The following GRID1 variants were observed in gnomAD, a reference collection of about 807,000 sequenced individuals.
GRID1 encodes the protein glutamate receptor ionotropic, delta-1.
In GRID1, 28 loss-of-function variants were observed where a neutral mutation model predicts 98.0. The observed-to-expected ratio is 0.29, with a 90% CI of 0.21 to 0.39. The LOEUF is 0.39. Among genes scored for constraint, GRID1 ranks in the 10% least tolerant of loss-of-function variants. The pLI is 1.00. For synonymous variants in GRID1, 553 were observed against 538.5 expected (o/e 1.03, Z -0.37); for missense variants, 1,111 against 1,340.5 (o/e 0.83, Z 2.67).
At chr10:86,094,676 G>A (rs751706317) in intron 4 of GRID1, among the ~76,000 whole-genome samples, 15 of 151,832 alleles carry the variant, frequency 9.9e-5, no homozygotes, top group Middle Eastern at 3.2e-3. Flanking sequence ...AAACACTGCC[G>A]AAAGAAATCA....
chr10:85,618,871 C>T (rs571701843), intron 14 of GRID1, among the ~76,000 whole-genome samples: 3 of 152,326 alleles, frequency 2.0e-5, no homozygotes, highest in African/African-American at 7.2e-5. Flanking sequence ...CCTAGTTGCC[C>T]TCTGAACTGC....
chr10:86,218,090 T>C (rs1846201781), intron 2 of GRID1, among the ~76,000 whole-genome samples: 2 of 152,150 alleles, frequency 1.3e-5, no homozygotes, highest in Non-Finnish European at 2.9e-5. Flanking sequence ...CTGACTTTTG[T>C]TTTTAGCTTT....
At chr10:86,104,816 C>T (rs181614096) in intron 4 of GRID1, among the ~76,000 whole-genome samples, 54 of 152,304 alleles carry the variant, frequency 3.5e-4, no homozygotes, top group African/African-American at 1.2e-3. Flanking sequence ...TCCCAGGACC[C>T]GGCCTGAGAC....
chr10:86,116,930 T>C (rs1262197825), intron 4 of GRID1, among the ~76,000 whole-genome samples: 2 of 152,112 alleles, frequency 1.3e-5, no homozygotes, highest in African/African-American at 2.4e-5. Context: ...AGTCCTCTCC[T>C]GCTAGCCTGT....
intron 2 of GRID1, among the ~76,000 whole-genome samples, chr10:86,335,095 A>C (rs1589452875): frequency 6.6e-6 from 1 of 152,356 alleles, no homozygotes; most frequent in East Asian, 1.9e-4. Flanking sequence ...CTTGCCTTTT[A>C]AAATTAAACT....
intron 13 of GRID1, chr10:85,646,111 A>AGT (rs58539676): frequency 0.31 from 46,119 of 148,212 alleles, 7,331 homozygotes; most frequent in African/African-American, 0.41. Context: ...CACAGGGATG[A>AGT]GTGTGTGTGT....
intron 12 of GRID1, among the ~76,000 whole-genome samples, chr10:85,686,152 T>G (rs1320294207): frequency 6.6e-6 from 1 of 152,076 alleles, no homozygotes; most frequent in Admixed American, 6.6e-5. Flanking sequence ...AGTATTATAG[T>G]GCACAGGGAA....
rs1007891773 is a variant in GRID1, at chr10:86,097,272, T to G, written c.726+41547A>C. Among the ~76,000 whole-genome samples the G allele has an allele frequency of 2.0e-5, 3 of 152,210 alleles. No homozygotes were observed. The East Asian group carries it at 5.8e-4, about 29-fold the overall frequency. On this transcript the variant is annotated intron_variant, in intron 4 of 15. Transcript: ENST00000327946. ...CGATAGATATATAATAGATGATAGA[T>G]AGATGAGAGAGGATTTATTAGGGGA...
chr10:85,674,735 A>G (rs562851198), intron 12 of GRID1, among the ~76,000 whole-genome samples: 56 of 151,262 alleles, frequency 3.7e-4, no homozygotes, highest in Admixed American at 5.3e-4. Context: ...TTTGGTGTGC[A>G]GCATAAATCC....
intron 2 of GRID1, among the ~76,000 whole-genome samples, chr10:86,250,633 TC>T (rs1846808215): frequency 6.6e-6 from 1 of 151,512 alleles, no homozygotes; most frequent in African/African-American, 2.4e-5. Context: ...AGCTGCCCTG[TC>T]TGGGAGGTGG....
chr10:85,848,024 T>C (rs918873523), intron 8 of GRID1, among the ~76,000 whole-genome samples: 2 of 152,132 alleles, frequency 1.3e-5, no homozygotes, highest in Non-Finnish European at 2.9e-5. Context: ...GAAATACAAA[T>C]GACCAATAAT....
chr10:85,935,122 A>G (rs868002253), intron 4 of GRID1, among the ~76,000 whole-genome samples: 1 of 152,224 alleles, frequency 6.6e-6, no homozygotes, highest in South Asian at 2.1e-4. Flanking sequence ...CTGAATCCTT[A>G]CAGTAGCCAC....
At chr10:86,254,966 C>T (rs983889399) in intron 2 of GRID1, among the ~76,000 whole-genome samples, 1 of 152,212 alleles carries the variant, frequency 6.6e-6, no homozygotes, top group East Asian at 1.9e-4. Flanking sequence ...GAGAAAGCCA[C>T]ATGAGGAAGC....
intron 2 of GRID1, among the ~76,000 whole-genome samples, chr10:86,290,416 G>A (rs1005947613): frequency 6.6e-6 from 1 of 152,292 alleles, no homozygotes; most frequent in South Asian, 2.1e-4. Context: ...GGGAGGCCAA[G>A]GAGGCAGATC....
chr10:85,661,142 C>G (rs1840961005), intron 12 of GRID1, among the ~76,000 whole-genome samples: 1 of 151,956 alleles, frequency 6.6e-6, no homozygotes, highest in Non-Finnish European at 1.5e-5. Context: ...GTTTGGCTAG[C>G]CTCCTGTTTG....
At chr10:86,136,552 C>T (rs1170333630) in intron 4 of GRID1, among the ~76,000 whole-genome samples, 1 of 152,196 alleles carries the variant, frequency 6.6e-6, no homozygotes, top group Non-Finnish European at 1.5e-5. Context: ...TTTAGCTTTT[C>T]CATTTCCTCT....
chr10:85,737,115 C>T (rs565866623), intron 8 of GRID1, among the ~76,000 whole-genome samples: 29 of 152,204 alleles, frequency 1.9e-4, no homozygotes, highest in Admixed American at 1.3e-3. Context: ...GTGATTATCG[C>T]TGTCTGAGAT....
chr10:86,302,621 C>A (rs1201820737), intron 2 of GRID1, among the ~76,000 whole-genome samples: 1 of 152,198 alleles, frequency 6.6e-6, no homozygotes, highest in East Asian at 1.9e-4. Context: ...ATCACACTCA[C>A]CTCCAGACCC....
chr10:85,808,148 T>G (rs576571912), intron 8 of GRID1, among the ~76,000 whole-genome samples: 1 of 152,248 alleles, frequency 6.6e-6, no homozygotes, highest in South Asian at 2.1e-4. Context: ...GCCTTAGATA[T>G]AAACAATTAC....
Sources: gnomAD v4.1 joint callset for allele counts (sites outside exome capture counted in the v4.1 genomes callset) on GRCh38, gnomAD v4.1.1 for gene constraint, MANE v1.5 for transcripts, NCBI Gene and HGNC (gene_info 2026-07-23, HGNC 2026-07-21) for gene names.